Variants in KCTD15 observed in about 807,000 individuals in gnomAD.
KCTD15 encodes the protein potassium channel tetramerization domain containing 15, also known as BTB/POZ domain-containing protein KCTD15.
KCTD15 carries 11 observed loss-of-function variants against 27.2 expected under a neutral mutation model. The observed-to-expected ratio is 0.41, with a 90% CI of 0.25 to 0.67. KCTD15 has a LOEUF of 0.67. KCTD15 is among the 30% of genes least tolerant of loss of function. The pLI is 0.35. For synonymous variants in KCTD15, 163 were observed against 176.0 expected (o/e 0.93, Z 0.58); for missense variants, 350 against 409.3 (o/e 0.86, Z 1.25).
At position 33,811,344 on chromosome 19, in the gene KCTD15, G is replaced by GA; in HGVS notation, c.485_486insA (p.Ser163GlnfsTer5). Reference sequence around the variant, plus strand: ...CAGCAGGAGCAGGAGCAGCGGCGCCGCAGCCGGGCCTGTGACTGCCTGGTG... The same window carrying GA: ...CAGCAGGAGCAGGAGCAGCGGCGCCGACAGCCGGGCCTGTGACTGCCTGGTG... On this transcript the variant is annotated frameshift_variant, in exon 6 of 7. Transcript: ENST00000683859. LOFTEE classifies it high-confidence loss of function. 6.4e-7 allele frequency: 1 copy of GA among 1,562,094 alleles called. No individual in the cohort carries two copies. Among genetic ancestry groups the GA allele is most frequent in the Non-Finnish European group, 8.7e-7 (1 of 1,153,630 alleles).
intron 5 of KCTD15, among the ~76,000 whole-genome samples, chr19:33,808,820 G>A (rs533064736): frequency 6.6e-6 from 1 of 152,144 alleles, no homozygotes; most frequent in Non-Finnish European, 1.5e-5. Context: ...AGATAGAGAA[G>A]ATGGAGCAAG....
Position 33,814,724 on chromosome 19 carries a change from A to C in KCTD15, c.*1776A>C, listed in dbSNP as rs1022498492. On this transcript the variant is annotated 3_prime_UTR_variant, in exon 7 of 7. Coordinates refer to ENST00000683859, the MANE Select transcript of KCTD15 (RefSeq NM_001129994.2). ...CAGAACGAGATCTCAGTATGCCTCCATGTAAACAGATTCACATAGGCCTCC... is the reference window on the plus strand; with the variant it reads ...CAGAACGAGATCTCAGTATGCCTCCCTGTAAACAGATTCACATAGGCCTCC... 2.6e-5 allele frequency: 4 copies of C among 152,236 alleles called. No homozygotes were observed. Among genetic ancestry groups the C allele is most frequent in the African/African-American group, 9.6e-5 (4 of 41,458 alleles). 9.4% of individuals were successfully genotyped at this position (152,236 alleles called of 1,614,324 possible).
At chr19:33,801,537 G>C (rs1405296290) in intron 4 of KCTD15, 195 bp downstream of exon 4, 1 of 484,288 alleles carries the variant, frequency 2.1e-6, no homozygotes, top group East Asian at 3.4e-5. Flanking sequence ...ATGCACAGAG[G>C]CTTGTGACCC....
chr19:33,797,585 G>A (rs1471725242), intron 1 of KCTD15, among the ~76,000 whole-genome samples: 1 of 152,068 alleles, frequency 6.6e-6, no homozygotes, highest in East Asian at 1.9e-4. Context: ...AGGGATCGCC[G>A]CCTGCAGATC....
chr19:33,806,049 ATG>A (rs1488610572), intron 4 of KCTD15, among the ~76,000 whole-genome samples: 2 of 152,226 alleles, frequency 1.3e-5, no homozygotes, highest in East Asian at 3.9e-4. Context: ...ACGCTCTGGC[ATG>A]TGTGCACATA....
chr19:33,812,960 G>T lies in KCTD15; in HGVS notation c.*12G>T. 1 of 1,536,804 alleles carries T rather than the reference G, an allele frequency of 6.5e-7. No individual in the cohort carries two copies. The highest frequency in any genetic ancestry group is 8.8e-7 in the Non-Finnish European group (1 of 1,142,326). Reference sequence around the variant, plus strand: ...AACCCCTGGACTAGGCCCTGCTTCAGTGCCCACCTGGGCCCCCCCAGGGAC... The same window carrying T: ...AACCCCTGGACTAGGCCCTGCTTCATTGCCCACCTGGGCCCCCCCAGGGAC... On this transcript the variant is annotated 3_prime_UTR_variant, in exon 7 of 7. Transcript: ENST00000683859.
chr19:33,800,619 C>A, intron 3 of KCTD15, 99 bp downstream of exon 3: 1 of 1,067,146 alleles, frequency 9.4e-7, no homozygotes, highest in Middle Eastern at 2.8e-4. Flanking sequence ...GACCATGACA[C>A]TCCAGGTGGC....
At chr19:33,810,399 C>T (rs184189627) in intron 5 of KCTD15, among the ~76,000 whole-genome samples, 12 of 152,262 alleles carry the variant, frequency 7.9e-5, no homozygotes, top group African/African-American at 2.4e-4. Flanking sequence ...CCATTTTATA[C>T]ATAAGGGAAC....
chr19:33,800,613 A>G, intron 3 of KCTD15, 93 bp downstream of exon 3: 1 of 1,152,206 alleles, frequency 8.7e-7, no homozygotes, highest in Non-Finnish European at 1.3e-6. Context: ...CCTTGGGACC[A>G]TGACACTCCA....
intron 3 of KCTD15, 62 bp from the exon 4 acceptor site, chr19:33,801,105 T>G: frequency 6.8e-7 from 1 of 1,476,174 alleles, no homozygotes; most frequent in Non-Finnish European, 9.2e-7. Flanking sequence ...ATGGCTGTGT[T>G]GTGGAGAAAC....
intron 5 of KCTD15, among the ~76,000 whole-genome samples, chr19:33,807,320 G>A (rs750764483): frequency 6.6e-5 from 10 of 152,248 alleles, no homozygotes; most frequent in Non-Finnish European, 1.2e-4. Context: ...GGGTGCAGTG[G>A]TTCATGCCTG....
At chr19:33,795,730 G>C (rs1975299644), upstream of KCTD15, among the ~76,000 whole-genome samples, 2 of 152,132 alleles carry the variant, frequency 1.3e-5, no homozygotes, top group Non-Finnish European at 1.5e-5. Context: ...AAGGAGGAAG[G>C]GGCGGCCGAA....
intron 5 of KCTD15, among the ~76,000 whole-genome samples, chr19:33,809,329 T>A (rs990736258): frequency 1.1e-4 from 16 of 152,094 alleles, no homozygotes; most frequent in African/African-American, 3.9e-4. Flanking sequence ...TATTTACTTT[T>A]CATAAGTAAA....
At chr19:33,804,607 A>G (rs1175805329) in intron 4 of KCTD15, among the ~76,000 whole-genome samples, 13 of 152,164 alleles carry the variant, frequency 8.5e-5, no homozygotes, top group Admixed American at 8.5e-4. Context: ...ACCACTGCCC[A>G]TGGTATCTGG....
At chr19:33,812,300 A>C (rs1048162560) in intron 6 of KCTD15, 18 of 1,014,564 alleles carry the variant, frequency 1.8e-5, no homozygotes, top group Non-Finnish European at 2.0e-5. Flanking sequence ...CTCCCTCCAG[A>C]GCTCCCACGA....
chr19:33,810,806 G>T (rs544638997), intron 5 of KCTD15, among the ~76,000 whole-genome samples: 1 of 148,896 alleles, frequency 6.7e-6, no homozygotes, highest in Admixed American at 6.6e-5. Context: ...GGCTGGAGAA[G>T]AACTTTTTTT....
intron 5 of KCTD15, among the ~76,000 whole-genome samples, chr19:33,810,032 C>T (rs1026057971): frequency 3.3e-5 from 5 of 152,184 alleles, no homozygotes; most frequent in Non-Finnish European, 5.9e-5. Flanking sequence ...TCCCTCCAGG[C>T]GGCCAGCAGG....
intron 4 of KCTD15, among the ~76,000 whole-genome samples, chr19:33,805,445 C>T (rs1049700181): frequency 6.6e-6 from 1 of 152,176 alleles, no homozygotes; most frequent in Non-Finnish European, 1.5e-5. Context: ...GGGGCAGGGC[C>T]CTGGAGACGG....
intron 4 of KCTD15, among the ~76,000 whole-genome samples, chr19:33,802,851 G>T (rs921721287): frequency 6.6e-6 from 1 of 152,246 alleles, no homozygotes; most frequent in African/African-American, 2.4e-5. Context: ...CCTGAAATCA[G>T]AGAGTTGCCT....
Sources: gnomAD v4.1 joint callset for allele counts (sites outside exome capture counted in the v4.1 genomes callset) on GRCh38, gnomAD v4.1.1 for gene constraint, MANE v1.5 for transcripts, NCBI Gene and HGNC (gene_info 2026-07-23, HGNC 2026-07-21) for gene names.